TBCE: variants seen among roughly 807,000 people sequenced by gnomAD.
TBCE encodes tubulin-specific chaperone E.
A neutral mutation model predicts 77.0 loss-of-function variants in TBCE; 53 were observed. That is an observed-to-expected ratio of 0.69 (90% CI 0.55 to 0.87). TBCE has a LOEUF of 0.87. Among genes scored for constraint, TBCE ranks in the 40% least tolerant of loss-of-function variants. The pLI is 0.00. For missense variants in TBCE, 624 were observed against 622.4 expected (o/e 1.00, Z -0.03); for synonymous variants, 235 against 241.3 (o/e 0.97, Z 0.24).
intron 3 of TBCE, among the ~76,000 whole-genome samples, chr1:235,404,887 C>T (rs1679324697): frequency 1.3e-5 from 2 of 151,820 alleles, no homozygotes; most frequent in Admixed American, 1.3e-4. Context: ...GTGTCGAACC[C>T]CTGACCTCGT....
chr1:235,448,510 T>C, intron 16 of TBCE, 70 bp downstream of exon 16: 4 of 1,494,304 alleles, frequency 2.7e-6, no homozygotes, highest in Non-Finnish European at 3.7e-6. Context: ...AAACTGTCTC[T>C]AGATAGCAAC....
At chr1:235,403,228 A>G (rs1679228540) in intron 3 of TBCE, among the ~76,000 whole-genome samples, 2 of 151,858 alleles carry the variant, frequency 1.3e-5, no homozygotes, top group South Asian at 4.2e-4. Flanking sequence ...TTTTTTTGAG[A>G]TGTAGTCTCA....
At chr1:235,444,630 C>A (rs940732526) in intron 15 of TBCE, among the ~76,000 whole-genome samples, 4 of 152,160 alleles carry the variant, frequency 2.6e-5, no homozygotes, top group African/African-American at 9.7e-5. Context: ...GCCTCAAACT[C>A]CTGAGCTCAA....
chr1:235,429,223 A>G (rs1680949023), intron 6 of TBCE: 2 of 151,518 alleles, frequency 1.3e-5, no homozygotes, highest in Middle Eastern at 3.4e-3. Flanking sequence ...TCCTGACCTC[A>G]GGTTTTCCAC....
At chr1:235,388,549 A>G (rs1678177590) in intron 2 of TBCE, among the ~76,000 whole-genome samples, 1 of 152,060 alleles carries the variant, frequency 6.6e-6, no homozygotes, top group South Asian at 2.1e-4. Context: ...CAAGCCTCCC[A>G]AAGTGCTGGG....
intron 1 of TBCE, among the ~76,000 whole-genome samples, chr1:235,373,457 T>G (rs1293077285): frequency 2.0e-5 from 3 of 151,732 alleles, no homozygotes; most frequent in African/African-American, 7.3e-5. Flanking sequence ...TTTTTTTTTT[T>G]CTTTGAGACG....
intron 15 of TBCE, among the ~76,000 whole-genome samples, chr1:235,445,018 A>G (rs763508695): frequency 2.0e-5 from 3 of 152,214 alleles, no homozygotes; most frequent in South Asian, 4.1e-4. Flanking sequence ...TCTGAGATTC[A>G]GTTAGCCATT....
At chr1:235,397,993 TG>T (rs1489724308) in intron 2 of TBCE, among the ~76,000 whole-genome samples, 2 of 152,198 alleles carry the variant, frequency 1.3e-5, no homozygotes, top group Non-Finnish European at 2.9e-5. Flanking sequence ...AGTTGAATGC[TG>T]GCCTTGCTCC....
chr1:235,397,368 A>G (rs886542247), intron 2 of TBCE, among the ~76,000 whole-genome samples: 3 of 151,894 alleles, frequency 2.0e-5, no homozygotes, highest in Non-Finnish European at 4.4e-5. Flanking sequence ...TGCGCGGCTA[A>G]TTTTTTGTAT....
At chr1:235,406,674 G>A (rs1222339929) in intron 3 of TBCE, among the ~76,000 whole-genome samples, 1 of 152,024 alleles carries the variant, frequency 6.6e-6, no homozygotes, top group African/African-American at 2.4e-5. Context: ...TGGGACTACA[G>A]GCGCCTGCCA....
chr1:235,402,221 G>A (rs530373205), intron 3 of TBCE, among the ~76,000 whole-genome samples: 4 of 151,842 alleles, frequency 2.6e-5, no homozygotes, highest in Admixed American at 2.0e-4. Flanking sequence ...CCACGACCAC[G>A]CCTGGCTAAT....
At chr1:235,436,229 C>T in intron 9 of TBCE, 157 bp from the exon 10 acceptor site, 1 of 693,358 alleles carries the variant, frequency 1.4e-6, no homozygotes, top group Non-Finnish European at 2.5e-6. Flanking sequence ...AAAGAGTTCA[C>T]TTTGCATGTC....
At position 235,428,844 on chromosome 1, in the gene TBCE, A is replaced by G. The variant is rs539664632; in HGVS notation, c.560+1605A>G. On this transcript the variant is annotated intron_variant, in intron 6 of 16. Coordinates refer to ENST00000642610, the MANE Select transcript of TBCE (RefSeq NM_003193.5). ...TTTTTACTAGAGACGGGGTTTCACT[A>G]TGTTGGCTAGGATAGTCTCAATCTC... 4.0e-3 allele frequency among the ~76,000 whole-genome samples: 610 copies of G among 151,156 alleles called. 5 individuals carry two copies. Among genetic ancestry groups the G allele is most frequent in the African/African-American group, 0.014 (580 of 41,168 alleles).
In TBCE at chr1:235,373,938, C is replaced by T. The variant is rs551346818; in HGVS notation, c.-31-6081C>T. Among the ~76,000 whole-genome samples, 17 of 144,262 alleles carry T rather than the reference C, an allele frequency of 1.2e-4. 1 individual carries two copies. The highest frequency in any genetic ancestry group is 2.3e-4 in the Non-Finnish European group (15 of 66,194). 94.6% of individuals were successfully genotyped at this position (144,262 alleles called of 152,430 possible). A position where few individuals can be genotyped will look rare whatever the true frequency, so the allele number is the denominator to read the frequency against. On this transcript the variant is annotated intron_variant, in intron 1 of 16. Coordinates refer to ENST00000642610, the MANE Select transcript of TBCE (RefSeq NM_003193.5). ...TGCTGGGATTACAGACGTGAGCCACCGCACCCAGACTTGTATTTTTATTTT... is the reference window on the plus strand; with the variant it reads ...TGCTGGGATTACAGACGTGAGCCACTGCACCCAGACTTGTATTTTTATTTT...
chr1:235,368,552 CTTTTTT>C lies in TBCE; in HGVS notation c.-32+1066_-32+1071del, dbSNP rs757168655. 1.2e-4 allele frequency among the ~76,000 whole-genome samples: 6 copies of C among 49,764 alleles called. No individual in the cohort carries two copies. The Admixed American group carries it at 1.4e-3, about 11-fold the overall frequency. The allele number at this position is 49,764 out of a possible 152,430, so 32.6% of individuals were successfully genotyped here. ...TTTTTTAATCTAAGTGGACAGCCTG[CTTTTTT>C]TTTTTTTTTTTTTTTTTGATATGGA... On this transcript the variant is annotated intron_variant, in intron 1 of 16. Transcript: ENST00000642610.
intron 2 of TBCE, among the ~76,000 whole-genome samples, chr1:235,389,933 A>G (rs1056914135): frequency 1.3e-5 from 2 of 151,942 alleles, no homozygotes; most frequent in Non-Finnish European, 2.9e-5. Flanking sequence ...GACCAGCCTG[A>G]CCAACATGTT....
chr1:235,448,724 T>G lies in TBCE; in HGVS notation c.1546T>G (p.Ser516Ala). 6.2e-7 allele frequency: 1 copy of G among 1,614,126 alleles called. No homozygotes were observed. The highest frequency in any genetic ancestry group is 8.5e-7 in the Non-Finnish European group (1 of 1,179,998). ...TGACCTAAAGTCATTACAGTTTTAT[T>G]CTGTGGAAAATGGAGATTGTCTATT... ...ENDLKSLQFY[S>A]VENGDCLLVR... The change falls in exon 17 of 17, where the codon TCT (serine) becomes GCT (alanine). Residue 516 changes from serine (S) to alanine (A), a missense_variant. Physicochemically the swap from Ser to Ala is moderately conservative, Grantham distance 99. Transcript: ENST00000642610.
chr1:235,437,088 C>T (rs751920029), intron 11 of TBCE, among the ~76,000 whole-genome samples: 4 of 152,124 alleles, frequency 2.6e-5, no homozygotes, highest in Non-Finnish European at 4.4e-5. Flanking sequence ...GAGATCGCGC[C>T]GTTGCTCTCC....
At chr1:235,448,192 T>C (rs568999435) in intron 15 of TBCE, among the ~76,000 whole-genome samples, 157 bp from the exon 16 acceptor site, 1 of 143,638 alleles carries the variant, frequency 7.0e-6, no homozygotes, top group East Asian at 2.0e-4. Flanking sequence ...AGAGCAAGAC[T>C]TACTTAAGTA....
Sources: gnomAD v4.1 joint callset for allele counts (sites outside exome capture counted in the v4.1 genomes callset) on GRCh38, gnomAD v4.1.1 for gene constraint, MANE v1.5 for transcripts, NCBI Gene and HGNC (gene_info 2026-07-23, HGNC 2026-07-21) for gene names.